ADAMTS6: variants seen among roughly 807,000 people sequenced by gnomAD.
The protein encoded by ADAMTS6 is A disintegrin and metalloproteinase with thrombospondin motifs 6.
ADAMTS6 carries 23 observed loss-of-function variants against 144.3 expected under a neutral mutation model. The observed-to-expected ratio is 0.16, with a 90% CI of 0.11 to 0.23. ADAMTS6 has a LOEUF of 0.23. Among genes scored for constraint, ADAMTS6 ranks in the 10% least tolerant of loss-of-function variants. The pLI, the probability that ADAMTS6 is intolerant of heterozygous loss-of-function variation, is 1.00. For missense variants in ADAMTS6, 999 were observed against 1,379.6 expected, an observed-to-expected ratio of 0.72 and a Z score of 4.37; for synonymous variants, 444 against 457.5, an observed-to-expected ratio of 0.97 and a Z score of 0.38.
intron 11 of ADAMTS6, among the ~76,000 whole-genome samples, chr5:65,290,215 A>G (rs1462315538): frequency 6.6e-6 from 1 of 152,222 alleles, no homozygotes; most frequent in Non-Finnish European, 1.5e-5. Flanking sequence ...ACCCTTAATT[A>G]TTATTATTTC....
At chr5:65,265,692 A>G (rs1049391264) in intron 12 of ADAMTS6, among the ~76,000 whole-genome samples, 2 of 152,048 alleles carry the variant, frequency 1.3e-5, no homozygotes, top group South Asian at 4.1e-4. Flanking sequence ...AAATAACATT[A>G]AAGCTTGATT....
intron 7 of ADAMTS6, among the ~76,000 whole-genome samples, chr5:65,364,383 T>C (rs1335246603): frequency 6.6e-6 from 1 of 152,106 alleles, no homozygotes; most frequent in Non-Finnish European, 1.5e-5. Context: ...TCTCTTTCAA[T>C]ATTCTTAAAA....
chr5:65,292,332 T>A (rs1002021071), intron 10 of ADAMTS6, among the ~76,000 whole-genome samples: 1 of 151,858 alleles, frequency 6.6e-6, no homozygotes, highest in African/African-American at 2.4e-5. Context: ...AGAATTCCTA[T>A]GCCAACATTT....
intron 15 of ADAMTS6, among the ~76,000 whole-genome samples, chr5:65,240,430 G>T (rs1462948342): frequency 6.6e-6 from 1 of 152,086 alleles, no homozygotes; most frequent in East Asian, 1.9e-4. Flanking sequence ...AGTAGGGAGA[G>T]GCAACTATTG....
intron 11 of ADAMTS6, among the ~76,000 whole-genome samples, chr5:65,274,805 C>T (rs1762329209): frequency 6.6e-6 from 1 of 152,140 alleles, no homozygotes; most frequent in African/African-American, 2.4e-5. Flanking sequence ...TTGCCTCAGC[C>T]TCCCAAGTAG....
intron 7 of ADAMTS6, among the ~76,000 whole-genome samples, chr5:65,367,141 T>TA (rs532987995): frequency 1.3e-3 from 192 of 152,296 alleles, no homozygotes; most frequent in African/African-American, 4.2e-3. Flanking sequence ...AATTAAAAAC[T>TA]AAAAAACTGA....
chr5:65,378,785 T>TG (rs1251423382), intron 7 of ADAMTS6, among the ~76,000 whole-genome samples: 19 of 152,324 alleles, frequency 1.2e-4, no homozygotes, highest in Non-Finnish European at 2.5e-4. Flanking sequence ...TGCTATTTCA[T>TG]ATAAATTAAG....
At chr5:65,343,012 A>G (rs1267959731) in intron 7 of ADAMTS6, among the ~76,000 whole-genome samples, 1 of 152,172 alleles carries the variant, frequency 6.6e-6, no homozygotes, top group Non-Finnish European at 1.5e-5. Flanking sequence ...AACCTCTACA[A>G]GGACAACTAC....
At chr5:65,224,787 T>A in intron 17 of ADAMTS6, 137 bp downstream of exon 17, 1 of 1,013,086 alleles carries the variant, frequency 9.9e-7, no homozygotes, top group East Asian at 2.7e-5. Context: ...AACACTAAAA[T>A]GACTGAAAGC....
At chr5:65,391,415 T>C (rs2150148704) in intron 7 of ADAMTS6, among the ~76,000 whole-genome samples, 1 of 124,840 alleles carries the variant, frequency 8.0e-6, no homozygotes, top group South Asian at 2.7e-4. Flanking sequence ...TCTCTGTGTC[T>C]CTCTACACAC....
rs71626573 is a variant in ADAMTS6 at position 65,439,211 on chromosome 5, T to A, written c.1073+12264A>T. Reference sequence around the variant, plus strand: ...AAAGTAGAATGCCAACTACCTAATATCGAAAGAATAACGAGAGTTAGAATA... The same window carrying A: ...AAAGTAGAATGCCAACTACCTAATAACGAAAGAATAACGAGAGTTAGAATA... On this transcript the variant is annotated intron_variant, in intron 7 of 24. Transcript: ENST00000381055. 6.7e-3 allele frequency among the ~76,000 whole-genome samples: 1,024 copies of A among 151,926 alleles called. 4 individuals carry two copies. Among genetic ancestry groups the A allele is most frequent in the Non-Finnish European group, 0.012 (787 of 67,966 alleles).
At position 65,300,158 on chromosome 5, in the gene ADAMTS6, A is replaced by G. The variant is rs1743216207; in HGVS notation, c.1224-27T>C. ...TGTTTTAATGAGGAAGAAACATAGAATAAATAAATAAGAAAAAAACCCCAA... is the reference window on the plus strand; with the variant it reads ...TGTTTTAATGAGGAAGAAACATAGAGTAAATAAATAAGAAAAAAACCCCAA... On this transcript the variant is annotated intron_variant, in intron 9 of 24. Coordinates refer to ENST00000381055, the MANE Select transcript of ADAMTS6 (RefSeq NM_197941.4). 5 of 1,596,610 alleles carry G rather than the reference A, an allele frequency of 3.1e-6. No homozygotes were observed. The East Asian group carries it at 1.1e-4, about 36-fold the overall frequency.
At chr5:65,382,412 T>C (rs767189735) in intron 7 of ADAMTS6, among the ~76,000 whole-genome samples, 1 of 152,222 alleles carries the variant, frequency 6.6e-6, no homozygotes, top group Admixed American at 6.5e-5. Context: ...ATTGAACAAG[T>C]TGAACTCCGA....
intron 20 of ADAMTS6, among the ~76,000 whole-genome samples, chr5:65,198,197 C>T (rs778170712): frequency 1.3e-5 from 2 of 152,190 alleles, no homozygotes; most frequent in Non-Finnish European, 2.9e-5. Context: ...TTCCCCCACT[C>T]ACCCACCCCA....
At chr5:65,186,777 G>A (rs1290857845) in intron 22 of ADAMTS6, among the ~76,000 whole-genome samples, 1 of 152,164 alleles carries the variant, frequency 6.6e-6, no homozygotes, top group African/African-American at 2.4e-5. Flanking sequence ...TAGGTAGGCA[G>A]AATGTAATTA....
At chr5:65,175,873 A>G (rs1394421120) in intron 22 of ADAMTS6, among the ~76,000 whole-genome samples, 3 of 20,546 alleles carry the variant, frequency 1.5e-4, no homozygotes, top group African/African-American at 3.5e-4. Context: ...TAATTGAAGG[A>G]AAAAAAAAAA....
intron 20 of ADAMTS6, chr5:65,198,665 G>A (rs949911151): frequency 1.8e-5 from 3 of 166,860 alleles, no homozygotes; most frequent in Non-Finnish European, 4.4e-5. Flanking sequence ...ACTGACCCAG[G>A]GCTCTTGCTG....
At chr5:65,453,381 T>A (rs1758909690) in intron 4 of ADAMTS6, among the ~76,000 whole-genome samples, 1 of 152,216 alleles carries the variant, frequency 6.6e-6, no homozygotes, top group Admixed American at 6.5e-5. Flanking sequence ...TAAGATGCTT[T>A]CATCAAGCTA....
At position 65,270,463 on chromosome 5, in the gene ADAMTS6, TTTTG is replaced by T. The variant is rs751210021; in HGVS notation, c.1620+2873_1620+2876del. Among the ~76,000 whole-genome samples, 3 of 152,306 alleles carry T rather than the reference TTTTG, an allele frequency of 2.0e-5. 1 individual carries two copies. The highest frequency in any genetic ancestry group is 4.1e-4 in the South Asian group (2 of 4,832). On this transcript the variant is annotated intron_variant, in intron 12 of 24. Transcript: ENST00000381055. ...GTGTTTTGCTCACGTGTCTAGTTCT[TTTTG>T]TTTGTTTTTTCTTAAAAATGCAGGC...
Sources: gnomAD v4.1 joint callset for allele counts (sites outside exome capture counted in the v4.1 genomes callset) on GRCh38, gnomAD v4.1.1 for gene constraint, MANE v1.5 for transcripts, NCBI Gene and HGNC (gene_info 2026-07-23, HGNC 2026-07-21) for gene names.